CCNY: variants seen among roughly 807,000 people sequenced by gnomAD.
The protein encoded by CCNY is cyclin Y.
In CCNY, 19 loss-of-function variants were observed where a neutral mutation model predicts 42.8. That is an observed-to-expected ratio of 0.44 (90% CI 0.31 to 0.65). CCNY has a LOEUF of 0.65. CCNY is among the 30% of genes least tolerant of loss of function. The pLI, the probability that CCNY is intolerant of heterozygous loss-of-function variation, is 0.07. For synonymous variants in CCNY, 165 were observed against 162.7 expected (o/e 1.01, Z -0.11); for missense variants, 370 against 437.3 (o/e 0.85, Z 1.37).
intron 4 of CCNY, among the ~76,000 whole-genome samples, chr10:35,523,719 T>C (rs769048150): frequency 6.6e-6 from 1 of 152,232 alleles, no homozygotes; most frequent in Non-Finnish European, 1.5e-5. Context: ...ATAGTAACTT[T>C]TCTTTTAAAA....
chr10:35,479,170 A>C (rs1839596137), intron 1 of CCNY, among the ~76,000 whole-genome samples: 1 of 151,756 alleles, frequency 6.6e-6, no homozygotes, highest in African/African-American at 2.4e-5. Context: ...ACTGTAAACT[A>C]GTTCAACCAT....
intron 3 of CCNY, among the ~76,000 whole-genome samples, chr10:35,320,449 A>G (rs575855056): frequency 6.6e-6 from 1 of 152,362 alleles, no homozygotes; most frequent in South Asian, 2.1e-4. Flanking sequence ...CAAACTGGAA[A>G]TAGAAGGGAC....
intron 3 of CCNY, among the ~76,000 whole-genome samples, chr10:35,317,464 ATG>A (rs1402745516): frequency 1.3e-5 from 2 of 152,210 alleles, no homozygotes; most frequent in African/African-American, 4.8e-5. Flanking sequence ...CAAGCAGCAC[ATG>A]TGTTTAATCT....
At chr10:35,327,254 T>C (rs1032989128) in intron 3 of CCNY, among the ~76,000 whole-genome samples, 6 of 152,216 alleles carry the variant, frequency 3.9e-5, no homozygotes, top group Non-Finnish European at 8.8e-5. Context: ...TCTCTTTGCA[T>C]ATATATTCAG....
intron 3 of CCNY, among the ~76,000 whole-genome samples, chr10:35,282,292 T>A (rs1482066749): frequency 2.0e-5 from 3 of 152,016 alleles, no homozygotes; most frequent in Admixed American, 1.3e-4. Flanking sequence ...AGACTATTTT[T>A]AAAAAATTGT....
intron 1 of CCNY, among the ~76,000 whole-genome samples, chr10:35,456,503 C>G (rs1839038186): frequency 6.6e-6 from 1 of 152,224 alleles, no homozygotes; most frequent in Admixed American, 6.5e-5. Flanking sequence ...TTGTATCTTC[C>G]AGGGTAGCTT....
At chr10:35,412,860 CAAAAAAAAAAAAAAAA>C (rs10558250) in intron 1 of CCNY, among the ~76,000 whole-genome samples, 3 of 34,752 alleles carry the variant, frequency 8.6e-5, no homozygotes, top group Non-Finnish European at 1.1e-4. Context: ...GACTCTGTCT[CAAAAAAAAAAAAAAAA>C]AAAAAAAAAA....
At chr10:35,298,893 T>G (rs534308540) in intron 3 of CCNY, among the ~76,000 whole-genome samples, 1 of 152,314 alleles carries the variant, frequency 6.6e-6, no homozygotes, top group South Asian at 2.1e-4. Flanking sequence ...TGGTTGGTTG[T>G]TTCCAGTTTT....
At chr10:35,566,792 G>A (rs112150667) in intron 9 of CCNY, among the ~76,000 whole-genome samples, 17 of 151,990 alleles carry the variant, frequency 1.1e-4, no homozygotes, top group South Asian at 6.2e-4. Context: ...TCACAACTCC[G>A]CCCCCTGGGT....
intron 4 of CCNY, among the ~76,000 whole-genome samples, chr10:35,524,549 G>A (rs889726652): frequency 1.3e-5 from 2 of 152,182 alleles, no homozygotes; most frequent in African/African-American, 4.8e-5. Context: ...TGTTCGGGCC[G>A]AGTCGGTACC....
At chr10:35,253,414 A>AT (rs61405875) in intron 3 of CCNY, among the ~76,000 whole-genome samples, 1,125 of 88,952 alleles carry the variant, frequency 0.013, 72 homozygotes, top group East Asian at 0.021. Context: ...CATGCTCACT[A>AT]TTTTTTTTTT....
At chr10:35,508,668 C>T (rs143446107) in intron 3 of CCNY, among the ~76,000 whole-genome samples, 29 of 152,300 alleles carry the variant, frequency 1.9e-4, no homozygotes, top group Non-Finnish European at 2.8e-4. Flanking sequence ...ATTTCCCATT[C>T]CAGTCTATCC....
At chr10:35,319,180 C>G (rs1050888699) in intron 3 of CCNY, among the ~76,000 whole-genome samples, 2 of 152,126 alleles carry the variant, frequency 1.3e-5, no homozygotes, top group African/African-American at 2.4e-5. Context: ...GCCCAGAACT[C>G]TTGGGTTCAA....
At chr10:35,269,722 G>A (rs534790400) in intron 3 of CCNY, among the ~76,000 whole-genome samples, 3 of 149,212 alleles carry the variant, frequency 2.0e-5, no homozygotes, top group African/African-American at 7.4e-5. Flanking sequence ...TCCGCCTCCT[G>A]GGGTTCAAGC....
intron 3 of CCNY, among the ~76,000 whole-genome samples, chr10:35,313,977 GAAAAAA>G (rs71523375): frequency 5.0e-5 from 4 of 79,798 alleles, no homozygotes; most frequent in Admixed American, 1.6e-4. Flanking sequence ...GTTCATCTCG[GAAAAAA>G]AAAAAAAAAA....
At chr10:35,475,444 C>A (rs1839486395) in intron 1 of CCNY, among the ~76,000 whole-genome samples, 1 of 151,576 alleles carries the variant, frequency 6.6e-6, no homozygotes, top group Non-Finnish European at 1.5e-5. Context: ...GATCTCTCGG[C>A]AGAAACCCTA....
intron 4 of CCNY, among the ~76,000 whole-genome samples, chr10:35,520,154 C>T (rs1447426814): frequency 6.6e-6 from 1 of 152,102 alleles, no homozygotes; most frequent in Non-Finnish European, 1.5e-5. Flanking sequence ...CCTGGAAATA[C>T]CAGCATCTCA....
chr10:35,530,445 G>T lies in CCNY; in HGVS notation c.579+202G>T, dbSNP rs997939551. Among the ~76,000 whole-genome samples the T allele has an allele frequency of 6.6e-6, 1 of 152,222 alleles. No homozygotes were observed. The highest frequency in any genetic ancestry group is 1.9e-4 in the East Asian group (1 of 5,192). ...AAGAGATTGTGAAGATTGTTCTGTA[G>T]CCCCCACCTAAAGTCATTTGTGAAA... On this transcript the variant is annotated intron_variant, in intron 7 of 9. Coordinates refer to ENST00000374704, the MANE Select transcript of CCNY (RefSeq NM_145012.6). This position sits in a 1 kb window ranked among gnomAD's most constrained non-coding sequence, Gnocchi z 4.3.
chr10:35,431,657 T>G (rs764491603), intron 1 of CCNY, among the ~76,000 whole-genome samples: 4 of 151,976 alleles, frequency 2.6e-5, no homozygotes, highest in Non-Finnish European at 5.9e-5. Context: ...TCTTTAGAGT[T>G]TTGATACGTG....
Sources: allele counts gnomAD v4.1 joint callset (sites outside exome capture counted in the v4.1 genomes callset), GRCh38; gene constraint gnomAD v4.1.1; non-coding constraint Gnocchi (gnomAD v3.1); transcripts MANE v1.5; gene names NCBI Gene and HGNC (gene_info 2026-07-23, HGNC 2026-07-21).